The following TOX3 variants were observed in gnomAD, a reference collection of about 807,000 sequenced individuals.
TOX3 encodes the protein TOX high mobility group box family member 3.
Under a neutral mutation model 64.3 loss-of-function variants are expected in TOX3, and 22 were observed. The ratio of observed to expected loss-of-function variants is 0.34; its 90% CI spans 0.24 to 0.49. The LOEUF is 0.49. Ranked by LOEUF, TOX3 falls within the 20% of genes least tolerant of loss-of-function variation. The pLI is 0.99. For synonymous variants in TOX3, 291 were observed against 273.6 expected (o/e 1.06, Z -0.63); for missense variants, 661 against 714.4 (o/e 0.93, Z 0.85).
intron 1 of TOX3, among the ~76,000 whole-genome samples, chr16:52,527,027 G>C (rs757606890): frequency 1.8e-4 from 27 of 152,228 alleles, no homozygotes; most frequent in Non-Finnish European, 3.1e-4. Context: ...CTACTGTCTG[G>C]AAATCACAGT....
At chr16:52,517,878 T>A (rs1359562537) in intron 1 of TOX3, among the ~76,000 whole-genome samples, 1 of 152,216 alleles carries the variant, frequency 6.6e-6, no homozygotes, top group Non-Finnish European at 1.5e-5. Context: ...GAGACACAGA[T>A]TTTTGCTTCT....
chr16:52,475,756 T>C (rs1157431364), intron 1 of TOX3: 8 of 152,202 alleles, frequency 5.3e-5, no homozygotes, highest in Admixed American at 5.2e-4. Context: ...AAAACTGCTT[T>C]ATATTATAGG....
At chr16:52,532,783 C>A (rs527730919) in intron 1 of TOX3, among the ~76,000 whole-genome samples, 78 of 152,068 alleles carry the variant, frequency 5.1e-4, no homozygotes, top group African/African-American at 1.7e-3. Flanking sequence ...GTAGACAAGA[C>A]AACAGGGCAA....
At chr16:52,526,895 C>T (rs1161200393) in intron 1 of TOX3, among the ~76,000 whole-genome samples, 1 of 152,186 alleles carries the variant, frequency 6.6e-6, no homozygotes, top group Non-Finnish European at 1.5e-5. Flanking sequence ...AATCTTTAAG[C>T]AAAGAACATT....
intron 2 of TOX3, among the ~76,000 whole-genome samples, chr16:52,467,978 A>G (rs1960918958): frequency 6.6e-6 from 1 of 152,190 alleles, no homozygotes; most frequent in Non-Finnish European, 1.5e-5. Context: ...TACTACTGCC[A>G]GGCACTGTAC....
At chr16:52,456,982 G>A (rs916959374) in intron 3 of TOX3, among the ~76,000 whole-genome samples, 10 of 152,202 alleles carry the variant, frequency 6.6e-5, no homozygotes, top group African/African-American at 2.4e-4. Context: ...CTTCCTTACT[G>A]TGTAAGTCAC....
intron 1 of TOX3, among the ~76,000 whole-genome samples, chr16:52,470,432 C>T (rs1178220838): frequency 1.3e-5 from 2 of 152,082 alleles, no homozygotes; most frequent in Non-Finnish European, 2.9e-5. Context: ...CTCATTATCA[C>T]AGAGTATTTT....
chr16:52,452,936 GT>G (rs1960399048), intron 3 of TOX3, among the ~76,000 whole-genome samples: 1 of 152,054 alleles, frequency 6.6e-6, no homozygotes, highest in Admixed American at 6.5e-5. Flanking sequence ...ACAATATTAC[GT>G]TCTACTTGCA....
At chr16:52,442,312 C>T (rs1960021627) in intron 6 of TOX3, among the ~76,000 whole-genome samples, 1 of 152,154 alleles carries the variant, frequency 6.6e-6, no homozygotes, top group Non-Finnish European at 1.5e-5. Context: ...TGATGCAACC[C>T]TATTGATATT....
chr16:52,473,234 T>C (rs1464717204), intron 1 of TOX3, among the ~76,000 whole-genome samples: 3 of 152,166 alleles, frequency 2.0e-5, no homozygotes, highest in African/African-American at 7.2e-5. Flanking sequence ...ATACTTCAGC[T>C]TGATGCGTCC....
chr16:52,534,760 A>T (rs1189936310), intron 1 of TOX3, among the ~76,000 whole-genome samples: 1 of 152,224 alleles, frequency 6.6e-6, no homozygotes, highest in Admixed American at 6.5e-5. Context: ...AAGGAAAAAC[A>T]TCATGTTTTT....
At chr16:52,533,924 A>C (rs1962898908) in intron 1 of TOX3, among the ~76,000 whole-genome samples, 1 of 152,190 alleles carries the variant, frequency 6.6e-6, no homozygotes, top group Non-Finnish European at 1.5e-5. Flanking sequence ...CCAGAGTAGA[A>C]GCTGCCCTCT....
chr16:52,517,804 A>T (rs1962497137), intron 1 of TOX3, among the ~76,000 whole-genome samples: 1 of 152,226 alleles, frequency 6.6e-6, no homozygotes, highest in South Asian at 2.1e-4. Context: ...AAACCAGTTT[A>T]AAAGTATCAA....
chr16:52,444,267 C>G lies in TOX3; in HGVS notation c.987+9G>C. ...ATTTTGGAGCCTGGCCGCCCCTGCC[C>G]AGGTTTACCTTAGAAACGAGGCTGG... is the stretch of plus-strand genomic sequence containing the variant. On this transcript the variant is annotated intron_variant, in intron 6 of 6. Transcript: ENST00000219746. 6.4e-7 allele frequency: 1 copy of G among 1,556,452 alleles called. No individual in the cohort carries two copies. The highest frequency in any genetic ancestry group is 8.7e-7 in the Non-Finnish European group (1 of 1,145,338).
chr16:52,545,527 T>C (rs1194553228), intron 1 of TOX3, among the ~76,000 whole-genome samples: 1 of 152,220 alleles, frequency 6.6e-6, no homozygotes, highest in Non-Finnish European at 1.5e-5. Context: ...TATTCATTAG[T>C]TTTGTTTAGC....
At chr16:52,518,141 A>G (rs1962506313) in intron 1 of TOX3, among the ~76,000 whole-genome samples, 1 of 152,186 alleles carries the variant, frequency 6.6e-6, no homozygotes, top group South Asian at 2.1e-4. Context: ...ACAGTAACAC[A>G]TCTCCTAATA....
chr16:52,459,540 A>G (rs1960626780), intron 3 of TOX3, among the ~76,000 whole-genome samples: 1 of 152,160 alleles, frequency 6.6e-6, no homozygotes, highest in African/African-American at 2.4e-5. Context: ...AAATTATTCA[A>G]TATGTATGAT....
chr16:52,439,638 G>T lies in TOX3; in HGVS notation c.1318C>A (p.Gln440Lys), dbSNP rs1205599603. The T allele has an allele frequency of 6.2e-7, 1 of 1,613,906 alleles. No homozygotes were observed. Among genetic ancestry groups the T allele is most frequent in the Non-Finnish European group, 8.5e-7 (1 of 1,179,806 alleles). The change falls in exon 7 of 7, where the codon CAG becomes AAG. Residue 440 changes from glutamine (Q) to lysine (K), a missense_variant. This residue lies in a region of TOX3 where 299 missense variants were observed against 292.1 expected (regional missense o/e 1.02). Transcript: ENST00000219746. ...TGCTGCTGCAATTGCATCTGATGCT[G>T]CTGGGTTTGCACCGAAGGACTCACT... ...TQVSPSVQTQ[Q>K]HQMQLQQQQQ...
chr16:52,469,100 A>T (rs1243755847), intron 1 of TOX3, among the ~76,000 whole-genome samples: 2 of 152,234 alleles, frequency 1.3e-5, no homozygotes, highest in African/African-American at 2.4e-5. Flanking sequence ...GAATATTTTT[A>T]AAATCTCCAA....
Sources: allele counts gnomAD v4.1 joint callset (sites outside exome capture counted in the v4.1 genomes callset), GRCh38; gene constraint gnomAD v4.1.1; regional missense constraint gnomAD v4.1.1; transcripts MANE v1.5; gene names NCBI Gene and HGNC (gene_info 2026-07-23, HGNC 2026-07-21).